The following SYN3 variants were observed in gnomAD, a reference collection of about 807,000 sequenced individuals.
The protein encoded by SYN3 is synapsin III.
Under a neutral mutation model 65.8 loss-of-function variants are expected in SYN3, and 35 were observed. The ratio of observed to expected loss-of-function variants is 0.53; its 90% CI spans 0.41 to 0.70. SYN3 has a LOEUF of 0.70. Among genes scored for constraint, SYN3 ranks in the 30% least tolerant of loss-of-function variants. SYN3 has a pLI of 0.00. For synonymous variants in SYN3, 270 were observed against 292.9 expected, an observed-to-expected ratio of 0.92 and a Z score of 0.80; for missense variants, 680 against 749.0, an observed-to-expected ratio of 0.91 and a Z score of 1.08.
At chr22:32,555,056 C>T (rs2058473957) in intron 7 of SYN3, among the ~76,000 whole-genome samples, 1 of 152,132 alleles carries the variant, frequency 6.6e-6, no homozygotes, top group African/African-American at 2.4e-5. Context: ...ACCCCTAGCA[C>T]CCAGCATAAG....
At chr22:32,740,297 T>C (rs1345533696) in intron 6 of SYN3, among the ~76,000 whole-genome samples, 1 of 152,054 alleles carries the variant, frequency 6.6e-6, no homozygotes, top group Non-Finnish European at 1.5e-5. Flanking sequence ...ATGTGGAACA[T>C]GAATAAGGAG....
chr22:32,660,952 G>T (rs1433699327), intron 6 of SYN3, among the ~76,000 whole-genome samples: 12 of 152,194 alleles, frequency 7.9e-5, no homozygotes, highest in Admixed American at 2.0e-4. Flanking sequence ...GCCGTTCAAG[G>T]TTCCCTAATG....
In SYN3 at chr22:32,930,469, T is replaced by C. The variant is rs188225553; in HGVS notation, c.461+921A>G. ...AATTACCCGGTCTCGAGTATATGTC[T>C]TTATCAGCAGCATGAAAAAGGACTA... On this transcript the variant is annotated intron_variant, in intron 4 of 13. Transcript: ENST00000358763. Among the ~76,000 whole-genome samples the C allele has an allele frequency of 5.8e-4, 88 of 152,316 alleles. 1 individual carries two copies. Among genetic ancestry groups the C allele is most frequent in the Admixed American group, 5.6e-3 (86 of 15,300 alleles).
intron 2 of SYN3, among the ~76,000 whole-genome samples, chr22:32,992,681 T>C (rs1192984297): frequency 6.6e-6 from 1 of 152,084 alleles, no homozygotes; most frequent in Non-Finnish European, 1.5e-5. Context: ...TGCGTGGTGG[T>C]ATGTGCCTGT....
Position 32,509,763 on chromosome 22 carries a change from T to A in SYN3, c.*3929A>T, listed in dbSNP as rs1027284323. Among the ~76,000 whole-genome samples the A allele has an allele frequency of 6.6e-6, 1 of 151,902 alleles. No homozygotes were observed. Among genetic ancestry groups the A allele is most frequent in the Non-Finnish European group, 1.5e-5 (1 of 67,996 alleles). ...TTTTATATTTTTAGTAGAGATGGGG[T>A]TTCACCGTGTTAGCCAGGATGGTCT... is the stretch of plus-strand genomic sequence containing the variant. On this transcript the variant is annotated 3_prime_UTR_variant, in exon 14 of 14. Coordinates refer to ENST00000358763, the MANE Select transcript of SYN3 (RefSeq NM_003490.4).
chr22:32,824,444 C>G (rs1313148476), intron 6 of SYN3, among the ~76,000 whole-genome samples: 1 of 151,388 alleles, frequency 6.6e-6, no homozygotes, highest in South Asian at 2.1e-4. Flanking sequence ...GTCTTTAAAC[C>G]CCGTAGTCAT....
chr22:32,672,573 G>C (rs902062646), intron 6 of SYN3, among the ~76,000 whole-genome samples: 6 of 152,166 alleles, frequency 3.9e-5, no homozygotes, highest in Non-Finnish European at 8.8e-5. Flanking sequence ...GCCATCCTTT[G>C]CTATCTCTCT....
intron 6 of SYN3, among the ~76,000 whole-genome samples, chr22:32,694,663 G>A (rs1292313650): frequency 1.3e-5 from 2 of 152,090 alleles, no homozygotes; most frequent in African/African-American, 2.4e-5. Context: ...TTGTATCCAC[G>A]GGTTTCAAGG....
At chr22:32,605,521 C>G (rs549056146) in intron 6 of SYN3, among the ~76,000 whole-genome samples, 7 of 152,154 alleles carry the variant, frequency 4.6e-5, no homozygotes, top group Non-Finnish European at 8.8e-5. Context: ...TATCGCCCCA[C>G]GTAAGCCTCT....
At chr22:32,872,230 G>A (rs931891106) in intron 4 of SYN3, among the ~76,000 whole-genome samples, 1 of 152,134 alleles carries the variant, frequency 6.6e-6, no homozygotes, top group African/African-American at 2.4e-5. Flanking sequence ...GACTGTCTTG[G>A]ACAAAATAGG....
chr22:32,587,747 G>A (rs192355726), intron 7 of SYN3, among the ~76,000 whole-genome samples: 276 of 152,256 alleles, frequency 1.8e-3, no homozygotes, highest in Middle Eastern at 0.01. Context: ...AGATGCTGGC[G>A]CTGCTGGAAA....
chr22:32,833,276 A>G (rs923025156), intron 6 of SYN3, among the ~76,000 whole-genome samples: 1 of 152,200 alleles, frequency 6.6e-6, no homozygotes, highest in African/African-American at 2.4e-5. Context: ...ATAAGCAGGG[A>G]GAGACCATCC....
At position 32,521,737 on chromosome 22, in the gene SYN3, C is replaced by T. The variant is rs562498083; in HGVS notation, c.1319-3403G>A. ...CTGGGATTACAGGTGTGAGTCACCG[C>T]GCCCAGCTCACCTCCTGATTTTTAA... On this transcript the variant is annotated intron_variant, in intron 12 of 13. Transcript: ENST00000358763. Among the ~76,000 whole-genome samples the T allele has an allele frequency of 1.4e-4, 22 of 152,272 alleles. No individual in the cohort carries two copies. The East Asian group carries it at 1.7e-3, about 12-fold the overall frequency.
rs1010597780 is a variant in SYN3 at position 32,802,223 on chromosome 22, G to C, written c.711+62692C>G. 4.6e-5 allele frequency: 67 copies of C among 1,470,810 alleles called. 1 individual carries two copies. In the Admixed American group the frequency reaches 1.4e-3, roughly 31 times the overall value. 91.1% of individuals were successfully genotyped at this position (1,470,810 alleles called of 1,614,324 possible). On this transcript the variant is annotated intron_variant, in intron 6 of 13. Coordinates refer to ENST00000358763, the MANE Select transcript of SYN3 (RefSeq NM_003490.4). ...GCCCCACTCCTTTCCTCTGCCCCAGGAGAGGGGCAGACGGGGTTGGGGCGG... is the reference window on the plus strand; with the variant it reads ...GCCCCACTCCTTTCCTCTGCCCCAGCAGAGGGGCAGACGGGGTTGGGGCGG...
intron 6 of SYN3, among the ~76,000 whole-genome samples, chr22:32,642,319 G>C (rs1320769589): frequency 6.6e-6 from 1 of 151,758 alleles, no homozygotes; most frequent in Non-Finnish European, 1.5e-5. Flanking sequence ...AGAAGTTTCT[G>C]GTTAAGGATT....
intron 6 of SYN3, among the ~76,000 whole-genome samples, chr22:32,664,991 CTTTTTTTTTTTTTT>C (rs564943069): frequency 1.0e-4 from 7 of 68,950 alleles, no homozygotes; most frequent in East Asian, 5.2e-4. Context: ...ATGTATAATT[CTTTTTTTTTTTTTT>C]TTTTTTTTTT....
chr22:32,611,284 G>GTTTTTTT (rs1201383074), intron 6 of SYN3, among the ~76,000 whole-genome samples: 10 of 94,544 alleles, frequency 1.1e-4, no homozygotes, highest in Admixed American at 2.7e-4. Context: ...TTTTTTTTTT[G>GTTTTTTT]TTTTTTTTTT....
chr22:33,004,389 G>A (rs760899957), intron 2 of SYN3, among the ~76,000 whole-genome samples: 25 of 152,264 alleles, frequency 1.6e-4, no homozygotes, highest in Admixed American at 3.3e-4. Context: ...GCTATCCAAG[G>A]TCATGGGAGC....
At chr22:32,575,111 C>G (rs2146452458) in intron 7 of SYN3, among the ~76,000 whole-genome samples, 1 of 152,320 alleles carries the variant, frequency 6.6e-6, no homozygotes, top group East Asian at 1.9e-4. Flanking sequence ...ATGCCGGGAG[C>G]CCGGCTGGGT....
Sources: gnomAD v4.1 joint callset for allele counts (sites outside exome capture counted in the v4.1 genomes callset) on GRCh38, gnomAD v4.1.1 for gene constraint, MANE v1.5 for transcripts, NCBI Gene and HGNC (gene_info 2026-07-23, HGNC 2026-07-21) for gene names.